SEPTIN11: variants seen among roughly 807,000 people sequenced by gnomAD.
The protein encoded by SEPTIN11 is septin-11.
A neutral mutation model predicts 51.4 loss-of-function variants in SEPTIN11; 25 were observed. That is an observed-to-expected ratio of 0.49 (90% CI 0.35 to 0.68). The LOEUF (loss-of-function observed/expected upper bound fraction) is 0.68, where lower values mean the gene tolerates loss of function less well. Ranked by LOEUF, SEPTIN11 falls within the 30% of genes least tolerant of loss-of-function variation. The pLI is 0.00. For synonymous variants in SEPTIN11, 174 were observed against 184.1 expected (o/e 0.95, Z 0.44); for missense variants, 381 against 520.8 (o/e 0.73, Z 2.61).
At chr4:77,001,498 C>T (rs968669017) in intron 2 of SEPTIN11, among the ~76,000 whole-genome samples, 3 of 151,960 alleles carry the variant, frequency 2.0e-5, no homozygotes, top group Non-Finnish European at 4.4e-5. Context: ...TACAGGTGCC[C>T]ACCACCACAC....
intron 1 of SEPTIN11, chr4:76,959,094 A>C (rs1024463805): frequency 2.9e-5 from 19 of 658,288 alleles, no homozygotes; most frequent in East Asian, 9.8e-5. Context: ...GTGGCTGAGA[A>C]GTCAACTACA....
intron 1 of SEPTIN11, among the ~76,000 whole-genome samples, chr4:76,989,283 T>C (rs1463182147): frequency 6.6e-6 from 1 of 152,154 alleles, no homozygotes; most frequent in African/African-American, 2.4e-5. Context: ...TGTTATCTCT[T>C]AAATTTAAAA....
chr4:76,949,798 A>G lies in SEPTIN11; in HGVS notation c.-106A>G. On this transcript the variant is annotated 5_prime_UTR_variant, in exon 1 of 10. Transcript: ENST00000264893. ...AGCGGGACGCCGGCGAGCAGAGCGC[A>G]GCCGCGAGGGAGGCGCGAGGGAGGC... 1 of 1,267,882 alleles carries G rather than the reference A, an allele frequency of 7.9e-7. No individual in the cohort carries two copies. 78.5% of individuals were successfully genotyped at this position (1,267,882 alleles called of 1,614,324 possible). A position where few individuals can be genotyped will look rare whatever the true frequency, so the allele number is the denominator to read the frequency against.
intron 1 of SEPTIN11, among the ~76,000 whole-genome samples, chr4:76,955,407 G>A (rs1721517470): frequency 6.6e-6 from 1 of 152,164 alleles, no homozygotes; most frequent in Admixed American, 6.5e-5. Context: ...GCCAAGCTCT[G>A]GAAGTGAGGG....
chr4:76,949,925 C>G lies in SEPTIN11; in HGVS notation c.22C>G (p.Pro8Ala), dbSNP rs755127981. 32 of 1,526,532 alleles carry G rather than the reference C, an allele frequency of 2.1e-5. No homozygotes were observed. Among genetic ancestry groups the G allele is most frequent in the African/African-American group, 2.9e-5 (2 of 69,626 alleles). 94.6% of individuals were successfully genotyped at this position (1,526,532 alleles called of 1,614,324 possible). Residue 8 changes from proline to alanine, a missense_variant, in exon 1 of 10, where the codon CCG becomes GCG. By Grantham distance (27) the Pro-to-Ala change is conservative. Around this residue, in one of 2 missense-constraint regions of SEPTIN11, gnomAD observed 184 missense variants for 207.7 expected, o/e 0.89. Coordinates refer to ENST00000264893, the MANE Select transcript of SEPTIN11 (RefSeq NM_018243.4). ...TGCGATGGCCGTGGCCGTGGGGAGACCGTCTGTGAGTGCTGGGGCCTCGCC... is the reference window on the plus strand; with the variant it reads ...TGCGATGGCCGTGGCCGTGGGGAGAGCGTCTGTGAGTGCTGGGGCCTCGCC... MAVAVGR[P>A]SNEELRNLSL...
chr4:76,954,578 A>G (rs754497622), intron 1 of SEPTIN11, among the ~76,000 whole-genome samples: 5 of 152,230 alleles, frequency 3.3e-5, no homozygotes, highest in Non-Finnish European at 5.9e-5. Flanking sequence ...TGAACATAAA[A>G]ACAATACTTG....
At chr4:76,962,774 G>T (rs934994562) in intron 1 of SEPTIN11, among the ~76,000 whole-genome samples, 4 of 152,150 alleles carry the variant, frequency 2.6e-5, no homozygotes, top group Admixed American at 1.3e-4. Flanking sequence ...GAAAGGCAAA[G>T]TTATTTTAGT....
At chr4:77,014,714 A>AG (rs1157337602) in intron 4 of SEPTIN11, 142 bp from the exon 5 acceptor site, 6 of 714,378 alleles carry the variant, frequency 8.4e-6, no homozygotes, top group East Asian at 2.9e-5. Flanking sequence ...TATGGGGTAC[A>AG]TGAGATGTTT....
chr4:76,955,800 GACA>G (rs1721535286), intron 1 of SEPTIN11, among the ~76,000 whole-genome samples: 1 of 152,134 alleles, frequency 6.6e-6, no homozygotes, highest in African/African-American at 2.4e-5. Flanking sequence ...GACAACATAT[GACA>G]ACGACAATGC....
chr4:77,039,525 T>C, downstream of SEPTIN11: 1 of 985,342 alleles, frequency 1.0e-6, no homozygotes, highest in Non-Finnish European at 1.2e-6. Flanking sequence ...TCCTGTCCTT[T>C]CTGTCCCATG....
intron 1 of SEPTIN11, chr4:76,973,004 TCA>T (rs1722313844): frequency 6.7e-6 from 1 of 149,266 alleles, no homozygotes; most frequent in African/African-American, 2.4e-5. Context: ...CTTTCTTCTC[TCA>T]CAGGTGCCCA....
At chr4:77,002,779 T>G (rs76743725) in intron 2 of SEPTIN11, among the ~76,000 whole-genome samples, 131 of 129,296 alleles carry the variant, frequency 1.0e-3, no homozygotes, top group Middle Eastern at 4.2e-3. Context: ...TTTTTTTTTG[T>G]AAGACTATTC....
intron 6 of SEPTIN11, 100 bp downstream of exon 6, chr4:77,019,361 TG>T: frequency 1.0e-6 from 1 of 977,886 alleles, no homozygotes; most frequent in Non-Finnish European, 1.5e-6. Context: ...CCCTCAACAG[TG>T]GGCTGGCAGT....
At position 77,033,825 on chromosome 4, in the gene SEPTIN11, T is replaced by C. The variant is rs370812524; in HGVS notation, c.1275-672T>C. 4.6e-5 allele frequency among the ~76,000 whole-genome samples: 7 copies of C among 152,338 alleles called. No individual in the cohort carries two copies. The South Asian group carries it at 1.2e-3, about 27-fold the overall frequency. Reference sequence around the variant, plus strand: ...CCACTCATCTTTTAAAAAAAAATCATTTTGATTCTTGCTAAGGAATAAGGT... The same window carrying C: ...CCACTCATCTTTTAAAAAAAAATCACTTTGATTCTTGCTAAGGAATAAGGT... On this transcript the variant is annotated intron_variant, in intron 9 of 9. Transcript: ENST00000264893.
intron 9 of SEPTIN11, among the ~76,000 whole-genome samples, chr4:77,033,659 G>A (rs1726835235): frequency 6.6e-6 from 1 of 152,222 alleles, no homozygotes; most frequent in Non-Finnish European, 1.5e-5. Context: ...GGGTAAGTTG[G>A]TCAGTGGACA....
chr4:77,037,511 T>G lies in SEPTIN11; in HGVS notation c.*2999T>G. 1.0e-6 allele frequency: 1 copy of G among 985,246 alleles called. No individual in the cohort carries two copies. Among genetic ancestry groups the G allele is most frequent in the Non-Finnish European group, 1.2e-6 (1 of 829,864 alleles). 61.0% of individuals were successfully genotyped at this position (985,246 alleles called of 1,614,324 possible). A position where few individuals can be genotyped will look rare whatever the true frequency, so the allele number is the denominator to read the frequency against. ...TACTAGAGAAAACCAAGAGAAAAAT[T>G]TTTATGCTAGGATGCCTTTATGACC... On this transcript the variant is annotated 3_prime_UTR_variant, in exon 10 of 10. Transcript: ENST00000264893.
intron 1 of SEPTIN11, among the ~76,000 whole-genome samples, chr4:76,980,542 G>A (rs1045809383): frequency 2.0e-5 from 3 of 152,150 alleles, no homozygotes; most frequent in Non-Finnish European, 4.4e-5. Context: ...GTGTACATTT[G>A]GTGCAGTTGT....
At chr4:76,989,197 A>G (rs1723213485) in intron 1 of SEPTIN11, among the ~76,000 whole-genome samples, 3 of 152,234 alleles carry the variant, frequency 2.0e-5, no homozygotes, top group African/African-American at 7.2e-5. Flanking sequence ...TTTATCCATA[A>G]TCTGAGGCGT....
chr4:77,029,783 T>A (rs1426455720), intron 8 of SEPTIN11, among the ~76,000 whole-genome samples: 1 of 149,174 alleles, frequency 6.7e-6, no homozygotes, highest in Non-Finnish European at 1.5e-5. Context: ...CACACACACA[T>A]ATATATACAC....
Sources: gnomAD v4.1 joint callset for allele counts (sites outside exome capture counted in the v4.1 genomes callset) on GRCh38, gnomAD v4.1.1 for gene constraint, gnomAD v4.1.1 regional missense constraint, MANE v1.5 for transcripts, NCBI Gene and HGNC (gene_info 2026-07-23, HGNC 2026-07-21) for gene names.